ROR1: variants seen among roughly 807,000 people sequenced by gnomAD.
ROR1 encodes ROR family WNT receptor 1.
In ROR1, 19 loss-of-function variants were observed where a neutral mutation model predicts 78.8. That is an observed-to-expected ratio of 0.24 (90% CI 0.17 to 0.35). ROR1 has a LOEUF of 0.35. Among genes scored for constraint, ROR1 ranks in the 10% least tolerant of loss-of-function variants. The probability of loss-of-function intolerance (pLI) is 1.00; values close to 1 mark genes in which losing one functional copy is unlikely to be tolerated. For missense variants in ROR1, 917 were observed against 1,177.8 expected, an observed-to-expected ratio of 0.78 and a Z score of 3.24; for synonymous variants, 386 against 433.6, an observed-to-expected ratio of 0.89 and a Z score of 1.36.
At chr1:63,860,381 C>A (rs1645172223) in intron 1 of ROR1, among the ~76,000 whole-genome samples, 1 of 151,782 alleles carries the variant, frequency 6.6e-6, no homozygotes, top group Non-Finnish European at 1.5e-5. Flanking sequence ...AGAGGCAAAC[C>A]AGTTTATGAG....
At chr1:63,986,807 G>A (rs1199695972) in intron 1 of ROR1, among the ~76,000 whole-genome samples, 11 of 151,822 alleles carry the variant, frequency 7.2e-5, no homozygotes, top group Admixed American at 7.2e-4. Flanking sequence ...TAAGGCAGGA[G>A]GATCACTTGA....
chr1:63,787,356 C>T (rs527532174), intron 1 of ROR1, among the ~76,000 whole-genome samples: 1 of 152,268 alleles, frequency 6.6e-6, no homozygotes, highest in South Asian at 2.1e-4. Flanking sequence ...TAAGCATTGA[C>T]TGTGGACCCA....
intron 4 of ROR1, among the ~76,000 whole-genome samples, chr1:64,077,078 C>T (rs910212074): frequency 6.6e-6 from 1 of 152,130 alleles, no homozygotes; most frequent in Non-Finnish European, 1.5e-5. Flanking sequence ...GAAAAAGACA[C>T]AATATGCAAA....
At chr1:63,915,687 A>T (rs866696988) in intron 1 of ROR1, among the ~76,000 whole-genome samples, 3 of 151,986 alleles carry the variant, frequency 2.0e-5, no homozygotes, top group Non-Finnish European at 4.4e-5. Context: ...CTTATACAGA[A>T]CTTCTCACAC....
intron 1 of ROR1, among the ~76,000 whole-genome samples, chr1:63,886,785 C>T (rs550105238): frequency 6.6e-6 from 1 of 152,164 alleles, no homozygotes; most frequent in Non-Finnish European, 1.5e-5. Flanking sequence ...ACTCGACCAC[C>T]CACCTCCACA....
At chr1:63,862,235 A>G (rs936425529) in intron 1 of ROR1, among the ~76,000 whole-genome samples, 1 of 151,848 alleles carries the variant, frequency 6.6e-6, no homozygotes, top group African/African-American at 2.4e-5. Context: ...TCTACTAAAA[A>G]TACACAAAAT....
At chr1:64,027,248 T>A (rs1646619760) in intron 2 of ROR1, among the ~76,000 whole-genome samples, 1 of 152,194 alleles carries the variant, frequency 6.6e-6, no homozygotes, top group Non-Finnish European at 1.5e-5. Context: ...TTTCCATTCA[T>A]TTCATTATCC....
At chr1:64,001,077 A>G (rs969885028) in intron 1 of ROR1, among the ~76,000 whole-genome samples, 2 of 152,226 alleles carry the variant, frequency 1.3e-5, no homozygotes, top group Non-Finnish European at 2.9e-5. Flanking sequence ...ACAGCCAGAA[A>G]ATGGAAACCA....
chr1:63,786,471 A>C (rs1379480676), intron 1 of ROR1, among the ~76,000 whole-genome samples: 1 of 148,698 alleles, frequency 6.7e-6, no homozygotes, highest in East Asian at 2.0e-4. Flanking sequence ...ACGGGGTTTC[A>C]CCGTGTTAGC....
At chr1:63,970,304 G>T (rs1283438097) in intron 1 of ROR1, among the ~76,000 whole-genome samples, 3 of 152,184 alleles carry the variant, frequency 2.0e-5, no homozygotes, top group African/African-American at 7.2e-5. Flanking sequence ...TGAGGGCAGA[G>T]GCCACCACTT....
intron 1 of ROR1, among the ~76,000 whole-genome samples, chr1:64,001,853 G>A (rs1010460343): frequency 1.3e-5 from 2 of 152,158 alleles, no homozygotes; most frequent in African/African-American, 4.8e-5. Context: ...GGCACCTTCA[G>A]CATCGGCGTC....
At chr1:64,050,022 A>G (rs372094440) in intron 3 of ROR1, 44 bp downstream of exon 3, 20 of 1,597,120 alleles carry the variant, frequency 1.3e-5, no homozygotes, top group Non-Finnish European at 1.5e-5. Context: ...CCTCAGCCCA[A>G]TGTGGTAGGA....
At chr1:63,898,791 T>C (rs1467742069) in intron 1 of ROR1, among the ~76,000 whole-genome samples, 1 of 151,930 alleles carries the variant, frequency 6.6e-6, no homozygotes, top group African/African-American at 2.4e-5. Context: ...AGGGAGTTTT[T>C]CCCCCTGCCT....
intron 4 of ROR1, among the ~76,000 whole-genome samples, chr1:64,057,218 A>G (rs553987072): frequency 1.3e-5 from 2 of 152,116 alleles, no homozygotes; most frequent in Non-Finnish European, 2.9e-5. Flanking sequence ...ATTCTTTTGC[A>G]TGTGGATATC....
chr1:63,983,994 A>G (rs1287949625), intron 1 of ROR1, among the ~76,000 whole-genome samples: 1 of 152,152 alleles, frequency 6.6e-6, no homozygotes, highest in African/African-American at 2.4e-5. Context: ...AGGCACACAT[A>G]ACCCTTTCTA....
chr1:63,846,338 C>G (rs149791757), intron 1 of ROR1, among the ~76,000 whole-genome samples: 1 of 152,208 alleles, frequency 6.6e-6, no homozygotes, highest in Middle Eastern at 3.4e-3. Flanking sequence ...CAGCCACCTG[C>G]GCGGTCTCTG....
intron 4 of ROR1, among the ~76,000 whole-genome samples, chr1:64,089,839 C>T (rs796438258): frequency 6.6e-6 from 1 of 152,128 alleles, no homozygotes; most frequent in African/African-American, 2.4e-5. Context: ...GTAATTCTCA[C>T]GTGTTGTGGC....
chr1:63,860,187 G>A (rs1018094268), intron 1 of ROR1, among the ~76,000 whole-genome samples: 1 of 152,080 alleles, frequency 6.6e-6, no homozygotes, highest in African/African-American at 2.4e-5. Context: ...TAAAATTCAG[G>A]CCTTTCTTCA....
At position 63,787,476 on chromosome 1, in the gene ROR1, T is replaced by TCCTTCCTGCCTTCCTG. The variant is rs1164177762; in HGVS notation, c.91+12977_91+12992dup. Among the ~76,000 whole-genome samples the TCCTTCCTGCCTTCCTG allele has an allele frequency of 2.7e-3, 360 of 132,504 alleles. 2 individuals are homozygous for TCCTTCCTGCCTTCCTG. Among genetic ancestry groups the TCCTTCCTGCCTTCCTG allele is most frequent in the African/African-American group, 7.9e-3 (261 of 32,980 alleles). The allele number at this position is 132,504 out of a possible 152,430, so 86.9% of individuals were successfully genotyped here. On this transcript the variant is annotated intron_variant, in intron 1 of 8. Coordinates refer to ENST00000371079, the MANE Select transcript of ROR1 (RefSeq NM_005012.4). ...TTCCTTCCTTCCTTCCTTCCTTCCT[T>TCCTTCCTGCCTTCCTG]CCTTCCTGCCTTCCTGCCTTCCTGA...
Sources: allele counts gnomAD v4.1 joint callset (sites outside exome capture counted in the v4.1 genomes callset), GRCh38; gene constraint gnomAD v4.1.1; transcripts MANE v1.5; gene names NCBI Gene and HGNC (gene_info 2026-07-23, HGNC 2026-07-21).